FBXO34: variants seen among roughly 807,000 people sequenced by gnomAD.
The protein encoded by FBXO34 is F-box only protein 34.
Under a neutral mutation model 24.5 loss-of-function variants are expected in FBXO34, and 12 were observed. The observed-to-expected ratio is 0.49, with a 90% CI of 0.31 to 0.79. The LOEUF is 0.79. FBXO34 is among the 30% of genes least tolerant of loss of function. The pLI is 0.04. For missense variants in FBXO34, 823 were observed against 857.7 expected (o/e 0.96, Z 0.51); for synonymous variants, 320 against 311.9 (o/e 1.03, Z -0.27).
At chr14:55,413,797 A>G in the FBXO34 span, 1 of 355,744 alleles carries the variant, frequency 2.8e-6, no homozygotes, top group East Asian at 6.9e-5. Flanking sequence ...TGGCTCAGTA[A>G]GCACATTCAT....
chr14:55,413,169 C>G, the FBXO34 span, among the ~76,000 whole-genome samples: 1 of 152,184 alleles, frequency 6.6e-6, no homozygotes, highest in East Asian at 1.9e-4. Flanking sequence ...AGTGAGAAGT[C>G]TTTCTCTCTG....
At chr14:55,285,350 A>T (rs1033911376) in intron 1 of FBXO34, 2 of 152,142 alleles carry the variant, frequency 1.3e-5, no homozygotes, top group African/African-American at 4.8e-5. Flanking sequence ...AGCCTGGGCA[A>T]CAAGAGCGAA....
intron 1 of FBXO34, among the ~76,000 whole-genome samples, chr14:55,336,168 A>G (rs977584434): frequency 1.1e-4 from 16 of 152,150 alleles, no homozygotes; most frequent in African/African-American, 3.6e-4. Flanking sequence ...AATTGGATTG[A>G]TTGGTCTTGA....
chr14:55,422,592 C>T, the FBXO34 span, among the ~76,000 whole-genome samples: 1 of 152,152 alleles, frequency 6.6e-6, no homozygotes, highest in African/African-American at 2.4e-5. Context: ...TGGCTCACAC[C>T]TGTAGTCCCA....
intron 1 of FBXO34, among the ~76,000 whole-genome samples, chr14:55,311,594 A>G (rs1247315421): frequency 6.6e-6 from 1 of 152,180 alleles, no homozygotes; most frequent in Non-Finnish European, 1.5e-5. Flanking sequence ...TACTTCCAAG[A>G]TACAGTGGAT....
intron 1 of FBXO34, among the ~76,000 whole-genome samples, chr14:55,349,095 A>G (rs1884254090): frequency 6.6e-6 from 1 of 151,986 alleles, no homozygotes; most frequent in Non-Finnish European, 1.5e-5. Flanking sequence ...AGCCATCCCT[A>G]GAAAACACTC....
chr14:55,415,912 T>C, the FBXO34 span, among the ~76,000 whole-genome samples: 1 of 152,224 alleles, frequency 6.6e-6, no homozygotes, highest in East Asian at 1.9e-4. Flanking sequence ...ATATTAGTCA[T>C]AAACAGAAAT....
chr14:55,301,429 T>C (rs58260073), intron 1 of FBXO34, among the ~76,000 whole-genome samples: 59,784 of 148,182 alleles, frequency 0.4, 12,095 homozygotes, highest in Non-Finnish European at 0.43. Flanking sequence ...AAAGTGAGAC[T>C]CTGTCTCAAA....
intron 1 of FBXO34, among the ~76,000 whole-genome samples, chr14:55,312,125 G>A (rs112336098): frequency 0.024 from 3,606 of 151,932 alleles, 158 homozygotes; most frequent in African/African-American, 0.083. Context: ...ACTTGAACCT[G>A]GGAGGTGGAG....
At chr14:55,328,282 G>T (rs929414406) in intron 1 of FBXO34, among the ~76,000 whole-genome samples, 2 of 152,060 alleles carry the variant, frequency 1.3e-5, no homozygotes, top group Non-Finnish European at 2.9e-5. Context: ...ATAAAGTCGA[G>T]AACTTTGATC....
chr14:55,388,915 G>A, the FBXO34 span, among the ~76,000 whole-genome samples: 2 of 152,184 alleles, frequency 1.3e-5, no homozygotes, highest in Non-Finnish European at 2.9e-5. Context: ...CATGATGAGA[G>A]GAGGACAGAA....
intron 1 of FBXO34, among the ~76,000 whole-genome samples, chr14:55,342,446 G>C (rs1408860280): frequency 3.3e-5 from 5 of 152,158 alleles, no homozygotes; most frequent in African/African-American, 1.2e-4. Flanking sequence ...AAATAAAAGG[G>C]AGTGGACTGC....
chr14:55,301,301 G>T (rs188254899), intron 1 of FBXO34, among the ~76,000 whole-genome samples: 1 of 152,194 alleles, frequency 6.6e-6, no homozygotes, highest in Non-Finnish European at 1.5e-5. Flanking sequence ...GCCAGGTGTG[G>T]TGGCATGTGC....
chr14:55,350,345 TG>T (rs777622899), intron 1 of FBXO34, 35 bp from the exon 2 acceptor site: 13 of 1,432,714 alleles, frequency 9.1e-6, no homozygotes, highest in Admixed American at 8.3e-5. Flanking sequence ...AAAACAAAAT[TG>T]GTTTCTGAAT....
At chr14:55,424,166 C>T in the FBXO34 span, 4 of 1,611,676 alleles carry the variant, frequency 2.5e-6, no homozygotes, top group Non-Finnish European at 3.4e-6. Flanking sequence ...TACCTGTCAA[C>T]ACAACTTTTC....
chr14:55,391,011 A>G, the FBXO34 span: 1 of 1,566,418 alleles, frequency 6.4e-7, no homozygotes, highest in Non-Finnish European at 8.7e-7. Flanking sequence ...AGCATGTAAT[A>G]AATATCACAA....
At chr14:55,371,982 C>G (rs1323110210), downstream of FBXO34, among the ~76,000 whole-genome samples, 1 of 152,156 alleles carries the variant, frequency 6.6e-6, no homozygotes, top group African/African-American at 2.4e-5. Flanking sequence ...TCTGAGCACC[C>G]TCTTCTCAAG....
chr14:55,407,849 C>T, the FBXO34 span, among the ~76,000 whole-genome samples: 17 of 152,144 alleles, frequency 1.1e-4, no homozygotes, highest in African/African-American at 3.1e-4. Context: ...AAGGCCTCAC[C>T]GAAGAAGTGG....
At chr14:55,378,256 A>G in the FBXO34 span, among the ~76,000 whole-genome samples, 1 of 152,376 alleles carries the variant, frequency 6.6e-6, no homozygotes, top group Admixed American at 6.5e-5. Context: ...TACTGCATCT[A>G]TACAAATTAC....
Sources: gnomAD v4.1 joint callset for allele counts (sites outside exome capture counted in the v4.1 genomes callset) on GRCh38, gnomAD v4.1.1 for gene constraint, MANE v1.5 for transcripts, NCBI Gene and HGNC (gene_info 2026-07-23, HGNC 2026-07-21) for gene names.